The following IL1R1 variants were observed in gnomAD, a reference collection of about 807,000 sequenced individuals.
IL1R1 encodes the protein interleukin 1 receptor type 1.
A neutral mutation model predicts 50.2 loss-of-function variants in IL1R1; 22 were observed. The observed-to-expected ratio is 0.44, with a 90% CI of 0.31 to 0.63. The LOEUF (loss-of-function observed/expected upper bound fraction) is 0.63, where lower values mean the gene tolerates loss of function less well. Ranked by LOEUF, IL1R1 falls within the 20% of genes least tolerant of loss-of-function variation. The pLI, the probability that IL1R1 is intolerant of heterozygous loss-of-function variation, is 0.07. For synonymous variants in IL1R1, 251 were observed against 236.7 expected (o/e 1.06, Z -0.55); for missense variants, 509 against 676.2 (o/e 0.75, Z 2.74).
At chr2:102,125,289 C>G (rs1467865748) in intron 1 of IL1R1, among the ~76,000 whole-genome samples, 1 of 152,170 alleles carries the variant, frequency 6.6e-6, no homozygotes, top group Non-Finnish European at 1.5e-5. Context: ...CTTGTCTCAA[C>G]AACAAACAAA....
chr2:102,098,999 A>G (rs562176822), intron 1 of IL1R1, among the ~76,000 whole-genome samples: 2 of 152,334 alleles, frequency 1.3e-5, no homozygotes, highest in East Asian at 3.9e-4. Flanking sequence ...CTGACATATA[A>G]TGAATACCAG....
Position 102,150,900 on chromosome 2 carries a change from G to T in IL1R1, c.-83-3041G>T, listed in dbSNP as rs534546403. Among the ~76,000 whole-genome samples, 8 of 152,288 alleles carry T rather than the reference G, an allele frequency of 5.3e-5. 2 individuals carry two copies. The highest frequency in any genetic ancestry group is 1.7e-4 in the African/African-American group (7 of 41,554). ...TGAACAGGGGGAACCGTATGCTATG[G>T]CTTATTAATGTATTGAGTAAGTTAA... On this transcript the variant is annotated intron_variant, in intron 1 of 11. Coordinates refer to ENST00000410023, the MANE Select transcript of IL1R1 (RefSeq NM_000877.4).
chr2:102,106,302 T>TTGA (rs1297991269), intron 1 of IL1R1, among the ~76,000 whole-genome samples: 6 of 152,162 alleles, frequency 3.9e-5, no homozygotes, highest in South Asian at 2.1e-4. Flanking sequence ...TATAAATGTG[T>TTGA]TGATCTGTTA....
At chr2:102,172,268 C>T (rs991202914) in intron 8 of IL1R1, 50 of 985,038 alleles carry the variant, frequency 5.1e-5, no homozygotes, top group Non-Finnish European at 5.5e-5. Flanking sequence ...CAATCCACTG[C>T]TCTCGAAAGC....
intron 1 of IL1R1, among the ~76,000 whole-genome samples, chr2:102,116,284 C>CAAGTAATAACAG (rs1201703926): frequency 6.6e-6 from 1 of 152,156 alleles, no homozygotes; most frequent in Non-Finnish European, 1.5e-5. Context: ...GTAATCTTGG[C>CAAGTAATAACAG]AAGTAATAAC....
At chr2:102,149,694 C>A (rs1370044023) in intron 1 of IL1R1, among the ~76,000 whole-genome samples, 1 of 152,164 alleles carries the variant, frequency 6.6e-6, no homozygotes, top group East Asian at 1.9e-4. Context: ...GGTTCATAGA[C>A]TGGCCAGGGC....
chr2:102,105,770 G>T (rs1398285195), intron 1 of IL1R1, among the ~76,000 whole-genome samples: 3 of 152,144 alleles, frequency 2.0e-5, no homozygotes, highest in Non-Finnish European at 4.4e-5. Flanking sequence ...GACCTCAAAG[G>T]TAATCTTAAA....
At chr2:102,124,637 G>T (rs1182780274) in intron 1 of IL1R1, among the ~76,000 whole-genome samples, 2 of 152,062 alleles carry the variant, frequency 1.3e-5, no homozygotes, top group Non-Finnish European at 2.9e-5. Context: ...ATCAGATCTG[G>T]CCGGATGTGG....
intron 1 of IL1R1, among the ~76,000 whole-genome samples, chr2:102,071,802 G>A (rs1487027891): frequency 6.6e-6 from 1 of 152,184 alleles, no homozygotes; most frequent in African/African-American, 2.4e-5. Flanking sequence ...CCAAGAAGGA[G>A]GTGTGAGATC....
intron 1 of IL1R1, among the ~76,000 whole-genome samples, chr2:102,118,972 C>T (rs1422228168): frequency 6.4e-5 from 9 of 140,890 alleles, no homozygotes; most frequent in Admixed American, 3.0e-4. Flanking sequence ...GAGCCGAGAT[C>T]GCTCCACTGC....
intron 1 of IL1R1, among the ~76,000 whole-genome samples, chr2:102,072,102 A>G (rs1390949312): frequency 6.6e-6 from 1 of 151,592 alleles, no homozygotes; most frequent in African/African-American, 2.4e-5. Flanking sequence ...TAGTAAAAAT[A>G]CAAAAAAATT....
intron 1 of IL1R1, among the ~76,000 whole-genome samples, chr2:102,147,405 A>G (rs986568275): frequency 3.3e-5 from 5 of 152,326 alleles, no homozygotes; most frequent in African/African-American, 2.4e-5. Context: ...CCAGGGAGAA[A>G]GGTCTCTGGT....
intron 1 of IL1R1, among the ~76,000 whole-genome samples, chr2:102,131,735 A>G (rs943580730): frequency 6.6e-6 from 1 of 152,144 alleles, no homozygotes; most frequent in Non-Finnish European, 1.5e-5. Flanking sequence ...CCAAATACAC[A>G]TGTAATTGGA....
chr2:102,109,565 T>G (rs1680624867), intron 1 of IL1R1, among the ~76,000 whole-genome samples: 1 of 152,172 alleles, frequency 6.6e-6, no homozygotes, highest in South Asian at 2.1e-4. Flanking sequence ...AGTCCAGTTC[T>G]ACTGCATTTG....
At chr2:102,099,828 T>C (rs1390447690), upstream of IL1R1, among the ~76,000 whole-genome samples, 1 of 152,216 alleles carries the variant, frequency 6.6e-6, no homozygotes, top group African/African-American at 2.4e-5. Flanking sequence ...AATATGAGGT[T>C]AGGGAACTAA....
At chr2:102,096,246 A>G (rs1679898915) in intron 1 of IL1R1, among the ~76,000 whole-genome samples, 2 of 152,134 alleles carry the variant, frequency 1.3e-5, no homozygotes, top group Admixed American at 1.3e-4. Context: ...TACTCGCCTC[A>G]TAGGGTGTGT....
chr2:102,130,800 A>T (rs1012595367), intron 1 of IL1R1, among the ~76,000 whole-genome samples: 3 of 152,238 alleles, frequency 2.0e-5, no homozygotes, highest in Admixed American at 2.0e-4. Flanking sequence ...TTCTGATGCC[A>T]GCCAGGATTG....
intron 1 of IL1R1, among the ~76,000 whole-genome samples, chr2:102,074,222 T>C (rs1047186776): frequency 4.6e-5 from 7 of 152,150 alleles, no homozygotes; most frequent in African/African-American, 1.7e-4. Flanking sequence ...ACAACAACCA[T>C]CTTCTCTTTT....
At chr2:102,094,021 AAACC>A (rs952967193) in intron 1 of IL1R1, among the ~76,000 whole-genome samples, 5 of 152,182 alleles carry the variant, frequency 3.3e-5, no homozygotes, top group African/African-American at 9.7e-5. Flanking sequence ...AAACAAAACA[AAACC>A]AACCAACCAA....
Sources: allele counts gnomAD v4.1 joint callset (sites outside exome capture counted in the v4.1 genomes callset), GRCh38; gene constraint gnomAD v4.1.1; transcripts MANE v1.5; gene names NCBI Gene and HGNC (gene_info 2026-07-23, HGNC 2026-07-21).